PLA2G4F: variants seen among roughly 807,000 people sequenced by gnomAD.
PLA2G4F encodes cytosolic phospholipase A2 zeta.
PLA2G4F carries 105 observed loss-of-function variants against 103.1 expected under a neutral mutation model. The observed-to-expected ratio is 1.02, with a 90% confidence interval of 0.87 to 1.20. The LOEUF (loss-of-function observed/expected upper bound fraction) is 1.20. PLA2G4F is among the 50% of genes most tolerant of loss of function. The probability of loss-of-function intolerance (pLI) is 0.00; values close to 1 mark genes in which losing one functional copy is unlikely to be tolerated. For missense variants in PLA2G4F, 1,155 were observed against 1,075.9 expected, an observed-to-expected ratio of 1.07 and a Z score of -1.03; for synonymous variants, 468 against 441.1, an observed-to-expected ratio of 1.06 and a Z score of -0.76.
chr15:42,145,614 T>C lies in PLA2G4F; in HGVS notation c.1741A>G (p.Ser581Gly). ...CTGCCTCTGTACCACTCCAGGAAGC[T>C]GAGGCCCGAGCCGGCGGTCTTTAGG... ...IFLKTAGSGL[S>G]FLEWYRGSVN... The change falls in exon 16 of 20, where the codon AGC becomes GGC. Residue 581 changes from serine to glycine, a missense_variant. By Grantham distance (56) the Ser-to-Gly change is moderately conservative. This residue lies in a region of PLA2G4F where 782 missense variants were observed against 692.9 expected (regional missense o/e 1.13). Transcript: ENST00000397272. The C allele has an allele frequency of 1.2e-6, 2 of 1,614,114 alleles. No individual in the cohort carries two copies. Among genetic ancestry groups the C allele is most frequent in the Non-Finnish European group, 1.7e-6 (2 of 1,180,014 alleles).
chr15:42,141,769 A>G lies in PLA2G4F; in HGVS notation c.*215T>C. ...TCCCCAAGAGTCCCTGGAGCGATCT[A>G]CTGCCCATCTTCTCCAAAAACACAC... is the stretch of plus-strand genomic sequence containing the variant. On this transcript the variant is annotated 3_prime_UTR_variant, in exon 20 of 20. Transcript: ENST00000397272. The G allele has an allele frequency of 3.2e-6, 2 of 621,696 alleles. No homozygotes were observed. The highest frequency in any genetic ancestry group is 5.8e-6 in the Non-Finnish European group (2 of 345,116). The allele number at this position is 621,696 out of a possible 1,614,324, so 38.5% of individuals were successfully genotyped here. A position where few individuals can be genotyped will look rare whatever the true frequency, so the allele number is the denominator to read the frequency against.
Position 42,141,873 on chromosome 15 carries a change from G to T in PLA2G4F, c.*111C>A. 3 of 1,174,036 alleles carry T rather than the reference G, an allele frequency of 2.6e-6. No individual in the cohort carries two copies. The highest frequency in any genetic ancestry group is 3.6e-6 in the Non-Finnish European group (3 of 828,900). The allele number at this position is 1,174,036 out of a possible 1,614,324, so 72.7% of individuals were successfully genotyped here. On this transcript the variant is annotated 3_prime_UTR_variant, in exon 20 of 20. Coordinates refer to ENST00000397272, the MANE Select transcript of PLA2G4F (RefSeq NM_213600.4). ...CTGGGGCACCTCGAGGCAGGTCCTG[G>T]AGAGAAGGGAAGCAGATCCTGCACA...
rs113414197 is a variant in PLA2G4F, at chr15:42,148,006, G to A, written c.1060-244C>T. Among the ~76,000 whole-genome samples, 1,453 of 152,124 alleles carry A rather than the reference G, an allele frequency of 9.6e-3. 21 individuals carry two copies. The highest frequency in any genetic ancestry group is 0.032 in the African/African-American group (1,327 of 41,510). Reference sequence around the variant, plus strand: ...GAGATCGAGACCACGGTGAAACCCCGTCTCTACTAAAACTACAAAAAAATT... The same window carrying A: ...GAGATCGAGACCACGGTGAAACCCCATCTCTACTAAAACTACAAAAAAATT... On this transcript the variant is annotated intron_variant, in intron 11 of 19. Coordinates refer to ENST00000397272, the MANE Select transcript of PLA2G4F (RefSeq NM_213600.4).
At chr15:42,150,225 GC>G in intron 9 of PLA2G4F, 84 bp from the exon 10 acceptor site, 1 of 1,590,510 alleles carries the variant, frequency 6.3e-7, no homozygotes, top group Non-Finnish European at 8.6e-7. Flanking sequence ...AGCCCTTGCT[GC>G]CCTGCGATCT....
Position 42,143,965 on chromosome 15 carries a change from C to T in PLA2G4F, c.2142+13G>A. The T allele has an allele frequency of 1.3e-6, 2 of 1,591,388 alleles. No homozygotes were observed. The highest frequency in any genetic ancestry group is 1.7e-6 in the Non-Finnish European group (2 of 1,166,436). On this transcript the variant is annotated intron_variant, in intron 18 of 19. Coordinates refer to ENST00000397272, the MANE Select transcript of PLA2G4F (RefSeq NM_213600.4). ...ACTGCAGGTGCTCCCCACATCCCTGCCTCCCAGCTCACCTCAAAAGGGGCT... is the reference window on the plus strand; with the variant it reads ...ACTGCAGGTGCTCCCCACATCCCTGTCTCCCAGCTCACCTCAAAAGGGGCT...
chr15:42,145,576 T>G lies in PLA2G4F; in HGVS notation c.1779A>C (p.Thr593=), dbSNP rs1595617882. Residue 593 remains threonine (T), a splice_region_variant and synonymous_variant, in exon 16 of 20, where the codon ACA becomes ACC. Coordinates refer to ENST00000397272, the MANE Select transcript of PLA2G4F (RefSeq NM_213600.4). The stretch of plus-strand genomic sequence containing the variant: ...GGGGCTCGGGGTCGCTACCCTCACC[T>G]GTGATATTCACACTGCCTCTGTACC... ...LEWYRGSVNI[T]DDCQKPQLHN... 7 of 1,613,816 alleles carry G rather than the reference T, an allele frequency of 4.3e-6. No individual in the cohort carries two copies. Among genetic ancestry groups the G allele is most frequent in the Non-Finnish European group, 5.9e-6 (7 of 1,179,800 alleles).
chr15:42,141,231 A>G lies in PLA2G4F; in HGVS notation c.*753T>C, dbSNP rs1474012490. ...CTAGGAATGGTGAGACTATATTTGC[A>G]TGATGTGGCCACTACACACATCACC... On this transcript the variant is annotated 3_prime_UTR_variant, in exon 20 of 20. Coordinates refer to ENST00000397272, the MANE Select transcript of PLA2G4F (RefSeq NM_213600.4). The G allele has an allele frequency of 4.4e-6, 2 of 456,736 alleles. No homozygotes were observed. Among genetic ancestry groups the G allele is most frequent in the Non-Finnish European group, 4.4e-6 (1 of 226,988 alleles). The allele number at this position is 456,736 out of a possible 1,614,324, so 28.3% of individuals were successfully genotyped here.
chr15:42,154,950 C>T (rs1402763949), intron 2 of PLA2G4F, among the ~76,000 whole-genome samples: 1 of 152,148 alleles, frequency 6.6e-6, no homozygotes, highest in African/African-American at 2.4e-5. Flanking sequence ...CTCACACACA[C>T]ACTCTTGCAC....
Position 42,141,768 on chromosome 15 carries a change from T to G in PLA2G4F, c.*216A>C. The G allele has an allele frequency of 1.6e-6, 1 of 622,806 alleles. No homozygotes were observed. Among genetic ancestry groups the G allele is most frequent in the East Asian group, 2.9e-5 (1 of 35,056 alleles). 38.6% of individuals were successfully genotyped at this position (622,806 alleles called of 1,614,324 possible). On this transcript the variant is annotated 3_prime_UTR_variant, in exon 20 of 20. Coordinates refer to ENST00000397272, the MANE Select transcript of PLA2G4F (RefSeq NM_213600.4). ...ATCCCCAAGAGTCCCTGGAGCGATCTACTGCCCATCTTCTCCAAAAACACA... is the reference window on the plus strand; with the variant it reads ...ATCCCCAAGAGTCCCTGGAGCGATCGACTGCCCATCTTCTCCAAAAACACA...
At position 42,140,462 on chromosome 15, in the gene PLA2G4F, G is replaced by A. The variant is rs1004327339; in HGVS notation, c.*1522C>T. On this transcript the variant is annotated 3_prime_UTR_variant, in exon 20 of 20. Coordinates refer to ENST00000397272, the MANE Select transcript of PLA2G4F (RefSeq NM_213600.4). ...ACAGCAGGAGCCAGATAAACTCCCAGATAAACCTCTCACTGCTGAACCAAG... is the reference window on the plus strand; with the variant it reads ...ACAGCAGGAGCCAGATAAACTCCCAAATAAACCTCTCACTGCTGAACCAAG... 1 of 152,300 alleles carries A rather than the reference G, an allele frequency of 6.6e-6. No homozygotes were observed. Among genetic ancestry groups the A allele is most frequent in the African/African-American group, 2.4e-5 (1 of 41,458 alleles). 9.4% of individuals were successfully genotyped at this position (152,300 alleles called of 1,614,324 possible). A position where few individuals can be genotyped will look rare whatever the true frequency, so the allele number is the denominator to read the frequency against.
chr15:42,145,913 C>T lies in PLA2G4F; in HGVS notation c.1535-10G>A, dbSNP rs372270347. On this transcript the variant is annotated splice_polypyrimidine_tract_variant and intron_variant, in intron 14 of 19. Coordinates refer to ENST00000397272, the MANE Select transcript of PLA2G4F (RefSeq NM_213600.4). ...GTGAACTCGCACCACTCTAGGGGCCCGAGTGAAGGGAAAGTCACCAGGGGC... is the reference window on the plus strand; with the variant it reads ...GTGAACTCGCACCACTCTAGGGGCCTGAGTGAAGGGAAAGTCACCAGGGGC... The T allele has an allele frequency of 6.4e-5, 103 of 1,613,328 alleles. No individual in the cohort carries two copies. In the African/African-American group the frequency reaches 1.0e-3, roughly 16 times the overall value.
chr15:42,152,897 G>T, intron 6 of PLA2G4F, 143 bp from the exon 7 acceptor site: 2 of 795,888 alleles, frequency 2.5e-6, no homozygotes, highest in Non-Finnish European at 3.9e-6. Context: ...CTGGGGCAGG[G>T]TCTAGGAAAC....
At chr15:42,143,835 TG>T in intron 18 of PLA2G4F, 142 bp downstream of exon 18, 2 of 1,090,306 alleles carry the variant, frequency 1.8e-6, no homozygotes, top group Non-Finnish European at 2.6e-6. Flanking sequence ...ACACACAGAG[TG>T]GAACCCAGGC....
At chr15:42,152,332 T>C (rs150098710) in intron 7 of PLA2G4F, among the ~76,000 whole-genome samples, 1 of 152,314 alleles carries the variant, frequency 6.6e-6, no homozygotes, top group Non-Finnish European at 1.5e-5. Context: ...ATGCCCAGGC[T>C]AATGGGCTTG....
At chr15:42,145,949 G>A (rs756342111) in intron 14 of PLA2G4F, 46 bp from the exon 15 acceptor site, 45 of 1,605,962 alleles carry the variant, frequency 2.8e-5, no homozygotes, top group African/African-American at 6.7e-5. Context: ...TTCCCACCAC[G>A]GTGCTTGTGC....
intron 7 of PLA2G4F, chr15:42,151,362 G>T (rs2048960487): frequency 3.0e-6 from 3 of 985,198 alleles, no homozygotes; most frequent in Non-Finnish European, 3.6e-6. Context: ...TGAGGCCCAG[G>T]CTGGGAGGAG....
At position 42,143,962 on chromosome 15, in the gene PLA2G4F, C is replaced by T; in HGVS notation, c.2142+16G>A. ...CTCACTGCAGGTGCTCCCCACATCC[C>T]TGCCTCCCAGCTCACCTCAAAAGGG... On this transcript the variant is annotated intron_variant, in intron 18 of 19. Transcript: ENST00000397272. 1.3e-6 allele frequency: 2 copies of T among 1,589,852 alleles called. No individual in the cohort carries two copies. The highest frequency in any genetic ancestry group is 8.6e-7 in the Non-Finnish European group (1 of 1,165,712).
intron 4 of PLA2G4F, 119 bp downstream of exon 4, chr15:42,153,973 G>T: frequency 6.8e-7 from 1 of 1,462,778 alleles, no homozygotes; most frequent in Non-Finnish European, 9.3e-7. Context: ...AGGGCTGCGG[G>T]GTGGAGGAAG....
At chr15:42,152,551 A>G (rs1424692815) in intron 7 of PLA2G4F, 137 bp downstream of exon 7, 1 of 929,984 alleles carries the variant, frequency 1.1e-6, no homozygotes, top group Non-Finnish European at 1.7e-6. Context: ...CCTCCAGTGA[A>G]CAATCCATCC....
Sources: allele counts gnomAD v4.1 joint callset (sites outside exome capture counted in the v4.1 genomes callset), GRCh38; gene constraint gnomAD v4.1.1; regional missense constraint gnomAD v4.1.1; transcripts MANE v1.5; gene names NCBI Gene and HGNC (gene_info 2026-07-23, HGNC 2026-07-21).